The following FRMD4A variants were observed in gnomAD, a reference collection of about 807,000 sequenced individuals.
FRMD4A encodes the protein FERM domain containing 4A.
In FRMD4A, 29 loss-of-function variants were observed where a neutral mutation model predicts 129.1. That is an observed-to-expected ratio of 0.22 (90% CI 0.17 to 0.31). The LOEUF (loss-of-function observed/expected upper bound fraction) is 0.31, where lower values mean the gene tolerates loss of function less well. FRMD4A is among the 10% of genes least tolerant of loss of function. The pLI is 1.00. For missense variants in FRMD4A, 1,272 were observed against 1,375.8 expected (o/e 0.92, Z 1.19); for synonymous variants, 634 against 571.6 (o/e 1.11, Z -1.56).
chr10:13,731,331 G>A (rs978663139), intron 12 of FRMD4A, among the ~76,000 whole-genome samples: 2 of 152,186 alleles, frequency 1.3e-5, no homozygotes, highest in East Asian at 1.9e-4. Flanking sequence ...AGCTGATGAC[G>A]GGACATTTAA....
intron 2 of FRMD4A, among the ~76,000 whole-genome samples, chr10:14,128,003 T>C (rs1201163799): frequency 0.018 from 1,452 of 80,504 alleles, 113 homozygotes; most frequent in African/African-American, 0.082. Flanking sequence ...TCTCTCTCTT[T>C]CTTTCTTTCT....
chr10:13,957,346 C>T (rs1394955023), intron 2 of FRMD4A, among the ~76,000 whole-genome samples: 4 of 152,150 alleles, frequency 2.6e-5, no homozygotes, highest in Non-Finnish European at 4.4e-5. Flanking sequence ...CTCTGCCTCC[C>T]GGGTTCAAAC....
At chr10:13,830,312 G>C (rs1442019286) in intron 3 of FRMD4A, among the ~76,000 whole-genome samples, 1 of 152,228 alleles carries the variant, frequency 6.6e-6, no homozygotes, top group Non-Finnish European at 1.5e-5. Flanking sequence ...TGTTGTCTGG[G>C]CTGCTGCTTT....
At chr10:13,647,815 C>CAT (rs760047105) in intron 24 of FRMD4A, 2 of 147,728 alleles carry the variant, frequency 1.4e-5, no homozygotes, top group South Asian at 2.2e-4. Flanking sequence ...AAGAAGCAAT[C>CAT]ATAGATATGT....
chr10:13,743,080 G>T (rs1374077127), intron 9 of FRMD4A, among the ~76,000 whole-genome samples: 2 of 152,162 alleles, frequency 1.3e-5, no homozygotes, highest in African/African-American at 4.8e-5. Context: ...CCAGAATGAG[G>T]ACCAGCCAGC....
At chr10:13,838,849 G>T (rs2093918558) in intron 3 of FRMD4A, among the ~76,000 whole-genome samples, 1 of 152,120 alleles carries the variant, frequency 6.6e-6, no homozygotes, top group Admixed American at 6.6e-5. Context: ...GTTCCTGGGA[G>T]ATGGGGACAT....
At chr10:13,668,613 G>A (rs1442792868) in intron 17 of FRMD4A, among the ~76,000 whole-genome samples, 1 of 152,192 alleles carries the variant, frequency 6.6e-6, no homozygotes, top group Non-Finnish European at 1.5e-5. Context: ...GGACAGGTAA[G>A]GAAGCACATG....
At chr10:14,113,780 G>T (rs879678829) in intron 2 of FRMD4A, among the ~76,000 whole-genome samples, 1 of 151,980 alleles carries the variant, frequency 6.6e-6, no homozygotes, top group Non-Finnish European at 1.5e-5. Flanking sequence ...GTGCGCGCGC[G>T]TGTGTGCGTG....
At chr10:14,023,526 T>G (rs1242228270) in intron 2 of FRMD4A, among the ~76,000 whole-genome samples, 2 of 152,158 alleles carry the variant, frequency 1.3e-5, no homozygotes, top group East Asian at 3.9e-4. Flanking sequence ...CAGCGCAGTG[T>G]TGTTCTTGGA....
chr10:13,840,760 T>C (rs1852786), intron 3 of FRMD4A, among the ~76,000 whole-genome samples: 116,722 of 141,934 alleles, frequency 0.82, 47,916 homozygotes, highest in East Asian at 0.96. Flanking sequence ...TGCACTCCAG[T>C]GTGGGCAAAA....
chr10:13,669,663 G>C (rs2083356237), intron 17 of FRMD4A, among the ~76,000 whole-genome samples: 1 of 152,210 alleles, frequency 6.6e-6, no homozygotes, highest in Admixed American at 6.5e-5. Context: ...AAGAAATCTG[G>C]GAAAGCATTT....
chr10:13,860,948 C>A (rs542221893), intron 2 of FRMD4A, among the ~76,000 whole-genome samples: 5 of 152,150 alleles, frequency 3.3e-5, no homozygotes, highest in African/African-American at 1.2e-4. Flanking sequence ...TCATGCGCCA[C>A]GGGACGTACC....
At chr10:13,882,705 T>C (rs2094560855) in intron 2 of FRMD4A, among the ~76,000 whole-genome samples, 1 of 152,150 alleles carries the variant, frequency 6.6e-6, no homozygotes, top group Admixed American at 6.5e-5. Flanking sequence ...CAAGCCACGA[T>C]ACTTGAGTTC....
At chr10:13,714,423 T>G (rs1297504147) in intron 12 of FRMD4A, among the ~76,000 whole-genome samples, 1 of 151,682 alleles carries the variant, frequency 6.6e-6, no homozygotes, top group African/African-American at 2.4e-5. Context: ...TCTATCAGTT[T>G]TTTAGGCATT....
chr10:13,694,220 G>C (rs571170172), intron 14 of FRMD4A, among the ~76,000 whole-genome samples, 181 bp from the exon 15 acceptor site: 2 of 152,216 alleles, frequency 1.3e-5, no homozygotes, highest in South Asian at 4.1e-4. Context: ...AACTCTCTGC[G>C]AAGAGCAGAG....
In FRMD4A at chr10:13,657,223, G is replaced by A. The variant is rs1411400861; in HGVS notation, c.2366C>T (p.Ala789Val). 4 of 1,558,242 alleles carry A rather than the reference G, an allele frequency of 2.6e-6. No individual in the cohort carries two copies. Among genetic ancestry groups the A allele is most frequent in the East Asian group, 2.4e-5 (1 of 42,030 alleles). Residue 789 changes from alanine (A) to valine (V), a missense_variant, in exon 22 of 25, where the codon GCG becomes GTG. Coordinates refer to ENST00000357447, the MANE Select transcript of FRMD4A (RefSeq NM_018027.5). Reference protein sequence around the residue: ...ARQRQRQRQRAAGALGSASSG... With the variant: ...ARQRQRQRQRVAGALGSASSG... Reference sequence around the variant, plus strand: ...GCTGGCTGAGCCCAGTGCGCCCGCCGCCCGCTGCCGCTGCCTCTGCCTCTG... The same window carrying A: ...GCTGGCTGAGCCCAGTGCGCCCGCCACCCGCTGCCGCTGCCTCTGCCTCTG...
intron 16 of FRMD4A, among the ~76,000 whole-genome samples, chr10:13,670,949 T>C (rs2083461766): frequency 6.6e-6 from 1 of 152,216 alleles, no homozygotes; most frequent in Non-Finnish European, 1.5e-5. Flanking sequence ...TCCCGTGCTC[T>C]TGACACTGCA....
chr10:14,106,161 A>G (rs943834657), intron 2 of FRMD4A, among the ~76,000 whole-genome samples: 63 of 152,198 alleles, frequency 4.1e-4, no homozygotes, highest in African/African-American at 1.4e-3. Flanking sequence ...AATGTGACTG[A>G]TGAATTTATT....
intron 2 of FRMD4A, among the ~76,000 whole-genome samples, chr10:14,245,082 T>C (rs1844184387): frequency 6.6e-6 from 1 of 152,228 alleles, no homozygotes; most frequent in African/African-American, 2.4e-5. Context: ...GTTTTCAAGC[T>C]GTGAAATGGG....
Sources: allele counts gnomAD v4.1 joint callset (sites outside exome capture counted in the v4.1 genomes callset), GRCh38; gene constraint gnomAD v4.1.1; transcripts MANE v1.5; gene names NCBI Gene and HGNC (gene_info 2026-07-23, HGNC 2026-07-21).